MOK: variants seen among roughly 807,000 people sequenced by gnomAD.
The protein encoded by MOK is MOK protein kinase, also known as MAPK/MAK/MRK overlapping kinase.
Under a neutral mutation model 54.2 loss-of-function variants are expected in MOK, and 59 were observed. The observed-to-expected ratio is 1.09, with a 90% CI of 0.88 to 1.35. The LOEUF is 1.35. Among genes scored for constraint, MOK ranks in the 40% most tolerant of loss-of-function variants. The pLI is 0.00. For synonymous variants in MOK, 210 were observed against 202.7 expected (o/e 1.04, Z -0.31); for missense variants, 517 against 526.2 (o/e 0.98, Z 0.17).
At chr14:102,299,180 A>G (rs1268058255) in intron 1 of MOK, among the ~76,000 whole-genome samples, 1 of 152,124 alleles carries the variant, frequency 6.6e-6, no homozygotes, top group African/African-American at 2.4e-5. Flanking sequence ...AAAAAAAAAG[A>G]CAGTTTAAAC....
rs747574257 is a variant in MOK, at chr14:102,229,525, G to A, written c.1114C>T (p.Leu372Phe). Residue 372 changes from leucine to phenylalanine, a missense_variant, in exon 11 of 12, where the codon CTT becomes TTT. Transcript: ENST00000361847. Reference sequence around the variant, plus strand: ...ACTCTTCCATTTGTTCCAGATCCAAGCACGGACTGCAGCGTGGGGCTGGAG... The same window carrying A: ...ACTCTTCCATTTGTTCCAGATCCAAACACGGACTGCAGCGTGGGGCTGGAG... ...SYSSPTLQSV[L>F]GSGTNGRVPV... 8 of 1,614,198 alleles carry A rather than the reference G, an allele frequency of 5.0e-6. No homozygotes were observed. Among genetic ancestry groups the A allele is most frequent in the Non-Finnish European group, 6.8e-6 (8 of 1,180,036 alleles).
At position 102,233,436 on chromosome 14, in the gene MOK, A is replaced by G. The variant is rs562426946; in HGVS notation, c.692+252T>C. The G allele has an allele frequency of 3.9e-4, 183 of 465,958 alleles. 3 individuals are homozygous for G. In the South Asian group the frequency reaches 4.6e-3, roughly 12 times the overall value. The allele number at this position is 465,958 out of a possible 1,614,324, so 28.9% of individuals were successfully genotyped here. Reference sequence around the variant, plus strand: ...TAAATTACTCAGGGAACACAGCCTGACTCCCCAGCCCTCAGAAAGCCTGTG... The same window carrying G: ...TAAATTACTCAGGGAACACAGCCTGGCTCCCCAGCCCTCAGAAAGCCTGTG... On this transcript the variant is annotated intron_variant, in intron 8 of 11. Transcript: ENST00000361847.
intron 7 of MOK, among the ~76,000 whole-genome samples, chr14:102,247,020 C>A (rs1193820463): frequency 6.6e-6 from 1 of 152,112 alleles, no homozygotes; most frequent in Non-Finnish European, 1.5e-5. Flanking sequence ...CAGAGTACTG[C>A]AACGGCCGAC....
chr14:102,233,752 G>C lies in MOK; in HGVS notation c.628C>G (p.Gln210Glu), dbSNP rs140509664. 4 of 1,613,964 alleles carry C rather than the reference G, an allele frequency of 2.5e-6. No individual in the cohort carries two copies. The African/African-American group carries it at 4.0e-5, about 16-fold the overall frequency. Reference sequence around the variant, plus strand: ...ATGACATCGTGGATTTTTGAGATTTGGTCCAGTTCATTTACTCCAGGAAAG... The same window carrying C: ...ATGACATCGTGGATTTTTGAGATTTCGTCCAGTTCATTTACTCCAGGAAAG... The part of the protein sequence containing the change: ...PLFPGVNELD[Q>E]ISKIHDVIGT... The change falls in exon 8 of 12, where the codon CAA (glutamine) becomes GAA (glutamate). Residue 210 changes from glutamine to glutamate, a missense_variant. By Grantham distance (29) the Gln-to-Glu change is conservative. Transcript: ENST00000361847.
chr14:102,295,925 C>A (rs945348001), intron 1 of MOK, among the ~76,000 whole-genome samples: 2 of 152,148 alleles, frequency 1.3e-5, no homozygotes, highest in African/African-American at 4.8e-5. Context: ...CACTTCAGAT[C>A]AGGAGTTCAT....
downstream of MOK, chr14:102,223,009 G>C: frequency 3.6e-6 from 4 of 1,125,546 alleles, no homozygotes; most frequent in Non-Finnish European, 5.2e-6. Flanking sequence ...GGCGATAGCC[G>C]TGTGGACGGT....
intron 3 of MOK, chr14:102,263,853 A>G (rs1339878062): frequency 7.0e-5 from 26 of 372,224 alleles, no homozygotes; most frequent in Non-Finnish European, 1.2e-4. Context: ...TTGAAAACAG[A>G]TATGTCTTGA....
intron 1 of MOK, among the ~76,000 whole-genome samples, chr14:102,291,752 T>C (rs1423797066): frequency 1.3e-5 from 2 of 150,842 alleles, no homozygotes; most frequent in Non-Finnish European, 3.0e-5. Flanking sequence ...AGATCGGGAG[T>C]TTGAGACCAG....
rs1555424418 is a variant in MOK, at chr14:102,258,479, T to TTTA, written c.283+5066_283+5067insTAA. On this transcript the variant is annotated intron_variant, in intron 4 of 11. Coordinates refer to ENST00000361847, the MANE Select transcript of MOK (RefSeq NM_014226.3). ...TCATTTTGACTGATATTCTTGATAA[T>TTTA]TTCATTTGTTTCCTGTCTCTCCTCA... is the stretch of plus-strand genomic sequence containing the variant. Among the ~76,000 whole-genome samples, 49 of 151,950 alleles carry TTTA rather than the reference T, an allele frequency of 3.2e-4. 1 individual carries two copies. Among genetic ancestry groups the TTTA allele is most frequent in the Non-Finnish European group, 4.0e-4 (27 of 67,990 alleles).
intron 3 of MOK, among the ~76,000 whole-genome samples, chr14:102,265,202 A>G (rs890175355): frequency 1.3e-5 from 2 of 152,246 alleles, no homozygotes; most frequent in African/African-American, 2.4e-5. Flanking sequence ...TAACACAAAC[A>G]GTGCTTTCCC....
At chr14:102,288,264 T>G (rs1422796281) in intron 1 of MOK, among the ~76,000 whole-genome samples, 2 of 152,148 alleles carry the variant, frequency 1.3e-5, no homozygotes, top group Admixed American at 1.3e-4. Context: ...TCATAATATC[T>G]GAAAGGTGGA....
chr14:102,265,946 C>G lies in MOK; in HGVS notation c.123-34G>C, dbSNP rs185920312. 63 of 1,457,794 alleles carry G rather than the reference C, an allele frequency of 4.3e-5. No individual in the cohort carries two copies. The African/African-American group carries it at 7.4e-4, about 17-fold the overall frequency. 90.3% of individuals were successfully genotyped at this position (1,457,794 alleles called of 1,614,324 possible). On this transcript the variant is annotated intron_variant, in intron 2 of 11. Coordinates refer to ENST00000361847, the MANE Select transcript of MOK (RefSeq NM_014226.3). Reference sequence around the variant, plus strand: ...TAGGTAAAAATGGATAGCTCATTCACAGTTTAGGTCAACTTCAAAATTAGA... The same window carrying G: ...TAGGTAAAAATGGATAGCTCATTCAGAGTTTAGGTCAACTTCAAAATTAGA...
chr14:102,232,282 C>T lies in MOK; in HGVS notation c.866+253G>A. On this transcript the variant is annotated intron_variant, in intron 9 of 11. Transcript: ENST00000361847. This position sits in a 1 kb window ranked among gnomAD's most constrained non-coding sequence, Gnocchi z 5.1. ...GAAGGATTACTACCTGTAGCCTTGGCATCAACCGCAAAGTGGACAGCCAGC... is the reference window on the plus strand; with the variant it reads ...GAAGGATTACTACCTGTAGCCTTGGTATCAACCGCAAAGTGGACAGCCAGC... 1 of 442,646 alleles carries T rather than the reference C, an allele frequency of 2.3e-6. No homozygotes were observed. Among genetic ancestry groups the T allele is most frequent in the Non-Finnish European group, 4.0e-6 (1 of 252,152 alleles). 27.4% of individuals were successfully genotyped at this position (442,646 alleles called of 1,614,324 possible). A position where few individuals can be genotyped will look rare whatever the true frequency, so the allele number is the denominator to read the frequency against.
intron 7 of MOK, among the ~76,000 whole-genome samples, chr14:102,250,159 C>T (rs2066408770): frequency 6.6e-6 from 1 of 152,180 alleles, no homozygotes; most frequent in Non-Finnish European, 1.5e-5. Context: ...GTCTGTTGAG[C>T]AGGCGGGACC....
In MOK at chr14:102,233,848, A is replaced by G; in HGVS notation, c.591-59T>C. On this transcript the variant is annotated intron_variant, in intron 7 of 11. Coordinates refer to ENST00000361847, the MANE Select transcript of MOK (RefSeq NM_014226.3). The stretch of plus-strand genomic sequence containing the variant: ...TAGGGCAGAGCCAACAGACCTCACC[A>G]ATTACAAACCATCTGGACCGCACAA... The G allele has an allele frequency of 2.3e-6, 3 of 1,291,594 alleles. No homozygotes were observed. The South Asian group carries it at 3.6e-5, about 15-fold the overall frequency. 80.0% of individuals were successfully genotyped at this position (1,291,594 alleles called of 1,614,324 possible). A position where few individuals can be genotyped will look rare whatever the true frequency, so the allele number is the denominator to read the frequency against.
At chr14:102,279,318 A>G (rs1360445189) in intron 2 of MOK, among the ~76,000 whole-genome samples, 2 of 150,300 alleles carry the variant, frequency 1.3e-5, no homozygotes, top group Non-Finnish European at 2.9e-5. Flanking sequence ...TGTTTGAGAC[A>G]GGGTCTTGCT....
chr14:102,256,842 G>A (rs1053477379), intron 4 of MOK, among the ~76,000 whole-genome samples: 5 of 151,976 alleles, frequency 3.3e-5, no homozygotes, highest in African/African-American at 1.2e-4. Context: ...TAAATTCCAA[G>A]ACAGGCTTTC....
rs2065278213 is a variant in MOK, at chr14:102,236,979, T to C, written c.591-3190A>G. Among the ~76,000 whole-genome samples, 1 of 152,130 alleles carries C rather than the reference T, an allele frequency of 6.6e-6. No homozygotes were observed. Among genetic ancestry groups the C allele is most frequent in the Admixed American group, 6.5e-5 (1 of 15,274 alleles). On this transcript the variant is annotated intron_variant, in intron 7 of 11. Transcript: ENST00000361847. The surrounding 1 kb of genome is among the most constrained non-coding windows in gnomAD (Gnocchi z 4.5). ...ATAGTCCCTAACCCCTCTACACTTC[T>C]CTGTCTCATTCCCTCCAACACCACC...
intron 1 of MOK, among the ~76,000 whole-genome samples, chr14:102,289,779 T>G (rs1479779182): frequency 6.6e-6 from 1 of 151,976 alleles, no homozygotes; most frequent in Non-Finnish European, 1.5e-5. Flanking sequence ...AGTGCTGGGA[T>G]TATAGGCGTG....
Sources: allele counts gnomAD v4.1 joint callset (sites outside exome capture counted in the v4.1 genomes callset), GRCh38; gene constraint gnomAD v4.1.1; non-coding constraint Gnocchi (gnomAD v3.1); transcripts MANE v1.5; gene names NCBI Gene and HGNC (gene_info 2026-07-23, HGNC 2026-07-21).